The following TIAM1 variants were observed in gnomAD, a reference collection of about 807,000 sequenced individuals.
The protein encoded by TIAM1 is rho guanine nucleotide exchange factor TIAM1.
Under a neutral mutation model 163.5 loss-of-function variants are expected in TIAM1, and 65 were observed. That is an observed-to-expected ratio of 0.40 (90% CI 0.33 to 0.49). The LOEUF (loss-of-function observed/expected upper bound fraction) is 0.49. TIAM1 is among the 20% of genes least tolerant of loss of function. The pLI is 0.77. For missense variants in TIAM1, 1,789 were observed against 2,044.7 expected, an observed-to-expected ratio of 0.87 and a Z score of 2.41; for synonymous variants, 833 against 810.1, an observed-to-expected ratio of 1.03 and a Z score of -0.48.
intron 2 of TIAM1, among the ~76,000 whole-genome samples, chr21:31,428,107 C>T (rs1433586640): frequency 6.6e-6 from 1 of 151,968 alleles, no homozygotes. Flanking sequence ...ACTAAAAATA[C>T]AAAATTAGCC....
chr21:31,146,903 A>T lies in TIAM1; in HGVS notation c.3467T>A (p.Leu1156Gln). Residue 1156 changes from leucine (L) to glutamine (Q), a missense_variant, in exon 20 of 28, where the codon CTG becomes CAG. By Grantham distance (113) the Leu-to-Gln change is moderately radical. Coordinates refer to ENST00000541036, the MANE Select transcript of TIAM1 (RefSeq NM_001353694.2). ...CASHTKVPKV[L>Q]VKAKTDTAFK... Reference sequence around the variant, plus strand: ...ATCCTCAGAGGCCTTACCTTTCACCAGGACCTTGGGAACTTTTGTGTGGCT... The same window carrying T: ...ATCCTCAGAGGCCTTACCTTTCACCTGGACCTTGGGAACTTTTGTGTGGCT... 6.2e-7 allele frequency: 1 copy of T among 1,613,910 alleles called. No homozygotes were observed. The highest frequency in any genetic ancestry group is 8.5e-7 in the Non-Finnish European group (1 of 1,179,882).
At chr21:31,300,906 C>T (rs1453775541) in intron 2 of TIAM1, among the ~76,000 whole-genome samples, 1 of 152,136 alleles carries the variant, frequency 6.6e-6, no homozygotes, top group African/African-American at 2.4e-5. Flanking sequence ...GAGGCATAAT[C>T]AAATTCCAGC....
chr21:31,465,154 C>T (rs1249736641), intron 1 of TIAM1, among the ~76,000 whole-genome samples: 3 of 151,826 alleles, frequency 2.0e-5, no homozygotes, highest in African/African-American at 4.8e-5. Context: ...ACGGTGATTG[C>T]GTGATTGCAC....
chr21:31,151,881 T>A (rs2083387743), intron 19 of TIAM1, among the ~76,000 whole-genome samples: 1 of 152,158 alleles, frequency 6.6e-6, no homozygotes, highest in Admixed American at 6.5e-5. Context: ...GCTAAGGCAC[T>A]AGTCATAAAT....
intron 2 of TIAM1, among the ~76,000 whole-genome samples, chr21:31,461,334 A>C (rs1340326430): frequency 6.6e-6 from 1 of 151,958 alleles, no homozygotes; most frequent in African/African-American, 2.4e-5. Context: ...AAATGCAAAA[A>C]ATTAGCTGGG....
At position 31,227,199 on chromosome 21, in the gene TIAM1, C is replaced by T. The variant is rs927557021; in HGVS notation, c.1585-1249G>A. On this transcript the variant is annotated intron_variant, in intron 6 of 27. Transcript: ENST00000541036. ...CTCGAACTCCTGACCTCAAGTGATCCACCCGCCTCGGCCTCCCAAAGTGCT... is the reference window on the plus strand; with the variant it reads ...CTCGAACTCCTGACCTCAAGTGATCTACCCGCCTCGGCCTCCCAAAGTGCT... Among the ~76,000 whole-genome samples the T allele has an allele frequency of 7.9e-5, 12 of 152,104 alleles. No individual in the cohort carries two copies. The East Asian group carries it at 1.9e-3, about 24-fold the overall frequency.
At chr21:31,380,486 T>G (rs915821413) in intron 2 of TIAM1, among the ~76,000 whole-genome samples, 1 of 152,128 alleles carries the variant, frequency 6.6e-6, no homozygotes, top group Non-Finnish European at 1.5e-5. Flanking sequence ...GAGGATGCAG[T>G]GAGCTGAGAT....
intron 2 of TIAM1, among the ~76,000 whole-genome samples, chr21:31,361,684 C>T (rs1238212100): frequency 1.3e-5 from 2 of 152,130 alleles, no homozygotes; most frequent in Admixed American, 6.5e-5. Context: ...AATATCACTG[C>T]TTCATTAAAC....
intron 2 of TIAM1, among the ~76,000 whole-genome samples, chr21:31,379,817 C>A (rs1015782850): frequency 6.6e-6 from 1 of 152,124 alleles, no homozygotes. Flanking sequence ...ATGTCCAGAA[C>A]AGGAAATCTA....
intron 2 of TIAM1, among the ~76,000 whole-genome samples, chr21:31,450,144 A>G (rs2147322636): frequency 6.6e-6 from 1 of 152,258 alleles, no homozygotes; most frequent in South Asian, 2.1e-4. Flanking sequence ...CTGTTATCGG[A>G]CAAAGGCAGG....
chr21:31,247,737 T>G (rs149874475), intron 5 of TIAM1, among the ~76,000 whole-genome samples: 4 of 152,254 alleles, frequency 2.6e-5, no homozygotes, highest in African/African-American at 9.6e-5. Flanking sequence ...ATGGTACAAT[T>G]TAAATACATA....
In TIAM1 at chr21:31,266,627, T is replaced by C. The variant is rs1344916822; in HGVS notation, c.346A>G (p.Ile116Val). The C allele has an allele frequency of 1.9e-5, 31 of 1,614,110 alleles. No individual in the cohort carries two copies. The highest frequency in any genetic ancestry group is 2.7e-5 in the African/African-American group (2 of 74,946). ...SSVTPSVDSS[I>V]VLTAASVQSM... Reference sequence around the variant, plus strand: ...TGCACAGAGGCTGCTGTGAGGACGATGCTGCTGTCTACGCTGGGAGTGACA... The same window carrying C: ...TGCACAGAGGCTGCTGTGAGGACGACGCTGCTGTCTACGCTGGGAGTGACA... Residue 116 changes from isoleucine to valine, a missense_variant, in exon 4 of 28, where the codon ATC becomes GTC. Physicochemically the swap from Ile to Val is conservative, Grantham distance 29. This residue lies in a region of TIAM1 where 555 missense variants were observed against 564.9 expected (regional missense o/e 0.98). Coordinates refer to ENST00000541036, the MANE Select transcript of TIAM1 (RefSeq NM_001353694.2).
intron 2 of TIAM1, among the ~76,000 whole-genome samples, chr21:31,325,531 A>G (rs1044794672): frequency 6.6e-6 from 1 of 151,790 alleles, no homozygotes; most frequent in Non-Finnish European, 1.5e-5. Flanking sequence ...AGCCAGGTGT[A>G]GTGGCGCTCA....
chr21:31,334,949 CA>C (rs1180431939), intron 2 of TIAM1, among the ~76,000 whole-genome samples: 1 of 152,116 alleles, frequency 6.6e-6, no homozygotes, highest in East Asian at 1.9e-4. Flanking sequence ...ACCCCCAACC[CA>C]GGCAACCAAA....
intron 15 of TIAM1, among the ~76,000 whole-genome samples, chr21:31,174,700 C>T (rs756270565): frequency 1.3e-5 from 2 of 152,150 alleles, no homozygotes; most frequent in Non-Finnish European, 2.9e-5. Flanking sequence ...CAGGCTAGAG[C>T]GCAGTGGTGC....
At chr21:31,134,754 G>A (rs2082554554) in intron 23 of TIAM1, among the ~76,000 whole-genome samples, 2 of 152,052 alleles carry the variant, frequency 1.3e-5, no homozygotes, top group Admixed American at 6.5e-5. Context: ...CAAGTGATCC[G>A]TCCACCTTGG....
At chr21:31,440,388 C>T (rs1197149601) in intron 2 of TIAM1, among the ~76,000 whole-genome samples, 1 of 152,154 alleles carries the variant, frequency 6.6e-6, no homozygotes, top group African/African-American at 2.4e-5. Flanking sequence ...AATCTGATCA[C>T]CACACTGCTG....
chr21:31,256,018 T>C (rs2072081529), intron 4 of TIAM1, among the ~76,000 whole-genome samples: 1 of 152,162 alleles, frequency 6.6e-6, no homozygotes, highest in South Asian at 2.1e-4. Context: ...ACAACAGCTG[T>C]GGGCAAGAGT....
At chr21:31,372,471 G>A (rs1228427951) in intron 2 of TIAM1, among the ~76,000 whole-genome samples, 1 of 152,190 alleles carries the variant, frequency 6.6e-6, no homozygotes, top group Non-Finnish European at 1.5e-5. Context: ...ACCAACCCCT[G>A]CTCAGCCGGA....
Sources: allele counts gnomAD v4.1 joint callset (sites outside exome capture counted in the v4.1 genomes callset), GRCh38; gene constraint gnomAD v4.1.1; regional missense constraint gnomAD v4.1.1; transcripts MANE v1.5; gene names NCBI Gene and HGNC (gene_info 2026-07-23, HGNC 2026-07-21).